Variants in MPP3 observed in about 807,000 individuals in gnomAD.
The protein encoded by MPP3 is MAGUK p55 scaffold protein 3.
Under a neutral mutation model 80.7 loss-of-function variants are expected in MPP3, and 48 were observed. That is an observed-to-expected ratio of 0.59 (90% confidence interval 0.47 to 0.76). MPP3 has a LOEUF of 0.76. Among genes scored for constraint, MPP3 ranks in the 30% least tolerant of loss-of-function variants. The probability of loss-of-function intolerance (pLI) is 0.00; values close to 1 mark genes in which losing one functional copy is unlikely to be tolerated. For synonymous variants in MPP3, 311 were observed against 297.6 expected (o/e 1.04, Z -0.46); for missense variants, 620 against 763.0 (o/e 0.81, Z 2.21).
chr17:43,828,843 C>G (rs2143131597), intron 7 of MPP3, among the ~76,000 whole-genome samples: 1 of 152,336 alleles, frequency 6.6e-6, no homozygotes, highest in African/African-American at 2.4e-5. Flanking sequence ...GCACCCAATA[C>G]AGAGCCTGGA....
At chr17:43,808,656 A>C (rs921497419) in intron 19 of MPP3, among the ~76,000 whole-genome samples, 1 of 152,234 alleles carries the variant, frequency 6.6e-6, no homozygotes, top group Admixed American at 6.5e-5. Context: ...CACTCAGATG[A>C]GGTCCCTGAC....
intron 14 of MPP3, among the ~76,000 whole-genome samples, chr17:43,815,294 T>C (rs946443593): frequency 2.6e-5 from 4 of 152,126 alleles, no homozygotes; most frequent in African/African-American, 7.2e-5. Flanking sequence ...ATCACACCAC[T>C]GCACTCCAGT....
chr17:43,813,861 T>C, intron 16 of MPP3, 150 bp downstream of exon 16: 1 of 670,248 alleles, frequency 1.5e-6, no homozygotes, highest in Non-Finnish European at 2.5e-6. Flanking sequence ...CTTCCCATCA[T>C]GCCTTTGTCC....
chr17:43,808,140 G>C (rs1268524447), intron 19 of MPP3, among the ~76,000 whole-genome samples: 1 of 152,194 alleles, frequency 6.6e-6, no homozygotes, highest in African/African-American at 2.4e-5. Flanking sequence ...AGTTAAAACT[G>C]AGAATTAGTA....
In MPP3 at chr17:43,801,794, C is replaced by T; in HGVS notation, c.1665G>A (p.Lys555=). 6.2e-7 allele frequency: 1 copy of T among 1,614,214 alleles called. No individual in the cohort carries two copies. Among genetic ancestry groups the T allele is most frequent in the Non-Finnish European group, 8.5e-7 (1 of 1,180,038 alleles). The change falls in exon 20 of 20, where the codon AAG becomes AAA. Residue 555 remains lysine, a synonymous_variant. Coordinates refer to ENST00000398389, the MANE Select transcript of MPP3 (RefSeq NM_001932.6). Reference sequence around the variant, plus strand: ...GGCTGTAGGCACCCTGGAGATCCTCCTTCACCAGCACGGCGTCTACCAGGT... The same window carrying T: ...GGCTGTAGGCACCCTGGAGATCCTCTTTCACCAGCACGGCGTCTACCAGGT... The part of the protein sequence containing the change: ...YGHLVDAVLV[K]EDLQGAYSQL...
rs866704434 is a variant in MPP3, at chr17:43,801,877, C to T, written c.1582G>A (p.Asp528Asn). 2 of 1,610,912 alleles carry T rather than the reference C, an allele frequency of 1.2e-6. No individual in the cohort carries two copies. The highest frequency in any genetic ancestry group is 3.4e-4 in the Middle Eastern group (2 of 5,928). Residue 528 changes from aspartate to asparagine, a missense_variant and splice_region_variant, in exon 20 of 20, where the codon GAT (aspartate) becomes AAT (asparagine). Transcript: ENST00000398389. ...PACEDTAAPFDEQQQEMAASA... is the reference protein window; with the variant it reads ...PACEDTAAPFNEQQQEMAASA... ...GCGGCCATCTCTTGCTGCTGCTCAT[C>T]CTGCAAGGAAAGGGGTGGTAAAAGG...
At chr17:43,807,607 C>T (rs2044674062) in intron 19 of MPP3, among the ~76,000 whole-genome samples, 1 of 152,046 alleles carries the variant, frequency 6.6e-6, no homozygotes, top group African/African-American at 2.4e-5. Flanking sequence ...GTGTGAGCCA[C>T]CGTACCTGGC....
At chr17:43,806,537 AACTGAGTCCTG>A (rs2044624083) in intron 19 of MPP3, among the ~76,000 whole-genome samples, 1 of 152,210 alleles carries the variant, frequency 6.6e-6, no homozygotes, top group East Asian at 1.9e-4. Flanking sequence ...GAGTATATTG[AACTGAGTCCTG>A]ACAGTGAACA....
intron 10 of MPP3, among the ~76,000 whole-genome samples, chr17:43,821,914 T>G (rs1203970609): frequency 6.6e-6 from 1 of 152,192 alleles, no homozygotes; most frequent in Non-Finnish European, 1.5e-5. Context: ...TGGGGACAGA[T>G]GCCCTTAACC....
chr17:43,817,833 A>G, intron 12 of MPP3: 1 of 388,094 alleles, frequency 2.6e-6, no homozygotes, highest in Non-Finnish European at 4.7e-6. Flanking sequence ...ACCCCCCAGC[A>G]TCATCTATGG....
chr17:43,832,478 T>C (rs945495994), intron 2 of MPP3, among the ~76,000 whole-genome samples: 29 of 151,874 alleles, frequency 1.9e-4, no homozygotes, highest in African/African-American at 7.0e-4. Context: ...AAAGGGAGCC[T>C]CCAGACTGGA....
rs1353224934 is a variant in MPP3 at position 43,830,742 on chromosome 17, T to C, written c.222+502A>G. The stretch of plus-strand genomic sequence containing the variant: ...GAGTTTATTCAGGAACTGATCTTAG[T>C]AATCAACCAGAATGGGTTTTCCCCA... On this transcript the variant is annotated intron_variant, in intron 5 of 19. Transcript: ENST00000398389. Among the ~76,000 whole-genome samples, 3 of 152,300 alleles carry C rather than the reference T, an allele frequency of 2.0e-5. No individual in the cohort carries two copies. In the East Asian group the frequency reaches 5.8e-4, roughly 29 times the overall value.
chr17:43,831,898 C>T lies in MPP3; in HGVS notation c.9G>A (p.Val3=). Residue 3 remains valine (V), a synonymous_variant, in exon 3 of 20, where the codon GTG becomes GTA. Coordinates refer to ENST00000398389, the MANE Select transcript of MPP3 (RefSeq NM_001932.6). MP[V]LSEDSGLHET... Reference sequence around the variant, plus strand: ...GGTACTTACCAGAGTCCTCCGATAGCACTGGCATGCTGGCGTTGTCACCTC... The same window carrying T: ...GGTACTTACCAGAGTCCTCCGATAGTACTGGCATGCTGGCGTTGTCACCTC... The T allele has an allele frequency of 1.2e-6, 2 of 1,612,414 alleles. No homozygotes were observed. Among genetic ancestry groups the T allele is most frequent in the South Asian group, 1.1e-5 (1 of 90,892 alleles).
At chr17:43,825,954 G>C in intron 8 of MPP3, 113 bp from the exon 9 acceptor site, 1 of 686,856 alleles carries the variant, frequency 1.5e-6, no homozygotes, top group Non-Finnish European at 2.7e-6. Flanking sequence ...GGGCCAACTC[G>C]AGGTTTAAAG....
At chr17:43,832,514 G>A (rs911903650) in intron 2 of MPP3, among the ~76,000 whole-genome samples, 8 of 152,312 alleles carry the variant, frequency 5.3e-5, no homozygotes, top group African/African-American at 1.9e-4. Flanking sequence ...GGGGAAATGG[G>A]AGTCGGGCTT....
In MPP3 at chr17:43,818,036, A is replaced by C. The variant is rs2045234888; in HGVS notation, c.946+10T>G. The stretch of plus-strand genomic sequence containing the variant: ...CCTCCCTGGAGTGCCATCCCTGACA[A>C]TCTACTCACAGGGGGGCTTCCTGAG... On this transcript the variant is annotated intron_variant, in intron 12 of 19. Transcript: ENST00000398389. 2 of 1,576,940 alleles carry C rather than the reference A, an allele frequency of 1.3e-6. No individual in the cohort carries two copies. The highest frequency in any genetic ancestry group is 1.7e-6 in the Non-Finnish European group (2 of 1,161,462).
chr17:43,822,405 T>C (rs2045502483), intron 10 of MPP3, among the ~76,000 whole-genome samples: 1 of 151,966 alleles, frequency 6.6e-6, no homozygotes, highest in African/African-American at 2.4e-5. Context: ...ACTGGCATGC[T>C]TCCTTCCATT....
chr17:43,807,402 A>G lies in MPP3; in HGVS notation c.1581+1554T>C, dbSNP rs796313651. Among the ~76,000 whole-genome samples the G allele has an allele frequency of 7.3e-5, 11 of 149,904 alleles. 1 individual carries two copies. Among genetic ancestry groups the G allele is most frequent in the African/African-American group, 2.7e-4 (11 of 40,678 alleles). On this transcript the variant is annotated intron_variant, in intron 19 of 19. Transcript: ENST00000398389. Reference sequence around the variant, plus strand: ...TCATGGCTCACTGCAGCCTTGACCTATTAGGCTCAAGTGATCCTCCCACTC... The same window carrying G: ...TCATGGCTCACTGCAGCCTTGACCTGTTAGGCTCAAGTGATCCTCCCACTC...
chr17:43,831,866 G>C lies in MPP3; in HGVS notation c.25+16C>G, dbSNP rs373567341. 8 of 1,595,502 alleles carry C rather than the reference G, an allele frequency of 5.0e-6. No individual in the cohort carries two copies. The highest frequency in any genetic ancestry group is 1.8e-5 in the Admixed American group (1 of 56,216). On this transcript the variant is annotated intron_variant, in intron 3 of 19. Transcript: ENST00000398389. ...CTTCAGGACTGTGGCAGGTCCAGCCGGGGGGAGGTACTTACCAGAGTCCTC... is the reference window on the plus strand; with the variant it reads ...CTTCAGGACTGTGGCAGGTCCAGCCCGGGGGAGGTACTTACCAGAGTCCTC...
Sources: allele counts gnomAD v4.1 joint callset (sites outside exome capture counted in the v4.1 genomes callset), GRCh38; gene constraint gnomAD v4.1.1; transcripts MANE v1.5; gene names NCBI Gene and HGNC (gene_info 2026-07-23, HGNC 2026-07-21).